SYK: variants seen among roughly 807,000 people sequenced by gnomAD.
SYK encodes tyrosine-protein kinase SYK.
In SYK, 16 loss-of-function variants were observed where a neutral mutation model predicts 77.8. That is an observed-to-expected ratio of 0.21 (90% CI 0.14 to 0.31). SYK has a LOEUF of 0.31. Ranked by LOEUF, SYK falls within the 10% of genes least tolerant of loss-of-function variation. The pLI, the probability that SYK is intolerant of heterozygous loss-of-function variation, is 1.00. For synonymous variants in SYK, 312 were observed against 308.7 expected, an observed-to-expected ratio of 1.01 and a Z score of -0.11; for missense variants, 529 against 814.4, an observed-to-expected ratio of 0.65 and a Z score of 4.26.
intron 9 of SYK, among the ~76,000 whole-genome samples, chr9:90,875,993 G>C (rs1827910604): frequency 6.6e-6 from 1 of 152,098 alleles, no homozygotes; most frequent in Non-Finnish European, 1.5e-5. Context: ...ACACAGACAT[G>C]CGTGCTTTCC....
intron 9 of SYK, 47 bp from the exon 10 acceptor site, chr9:90,877,524 G>T (rs776306656): frequency 8.8e-6 from 14 of 1,598,402 alleles, no homozygotes; most frequent in African/African-American, 1.3e-5. Flanking sequence ...TTATCTAGAA[G>T]TGAGGCATTT....
chr9:90,850,399 C>T (rs1826773686), intron 3 of SYK, among the ~76,000 whole-genome samples: 1 of 152,090 alleles, frequency 6.6e-6, no homozygotes, highest in Non-Finnish European at 1.5e-5. Context: ...GCCTGTAGTC[C>T]CAGCTACTTG....
At chr9:90,883,197 C>T (rs889694955) in intron 11 of SYK, among the ~76,000 whole-genome samples, 1 of 152,084 alleles carries the variant, frequency 6.6e-6, no homozygotes, top group Non-Finnish European at 1.5e-5. Context: ...ACAGATCCCC[C>T]TGCTGCTACA....
chr9:90,862,563 G>A (rs1827318413), intron 4 of SYK, among the ~76,000 whole-genome samples: 8 of 152,172 alleles, frequency 5.3e-5, no homozygotes, highest in Admixed American at 5.2e-4. Flanking sequence ...GCCTCCAGGT[G>A]GCTTCTGTGT....
At chr9:90,831,763 T>C (rs886732733) in intron 1 of SYK, among the ~76,000 whole-genome samples, 3 of 152,250 alleles carry the variant, frequency 2.0e-5, no homozygotes, top group African/African-American at 7.2e-5. Context: ...AAGGTGACAC[T>C]CTGCTTTCTT....
chr9:90,836,354 T>C (rs1298889722), intron 1 of SYK, among the ~76,000 whole-genome samples: 1 of 152,166 alleles, frequency 6.6e-6, no homozygotes, highest in Non-Finnish European at 1.5e-5. Flanking sequence ...ATGTAGTCTA[T>C]TTTTTCATTT....
At chr9:90,853,904 AAAAG>A (rs1826915869) in intron 3 of SYK, among the ~76,000 whole-genome samples, 2 of 152,116 alleles carry the variant, frequency 1.3e-5, no homozygotes, top group Admixed American at 1.3e-4. Context: ...AAAAAGAAAA[AAAAG>A]AGAGCAGGGC....
chr9:90,886,266 C>T (rs779635609), intron 11 of SYK, among the ~76,000 whole-genome samples: 14 of 152,230 alleles, frequency 9.2e-5, no homozygotes, highest in Non-Finnish European at 1.9e-4. Flanking sequence ...GAGATACCAT[C>T]TTACCCCGGC....
At chr9:90,829,482 A>G (rs1249165876) in intron 1 of SYK, among the ~76,000 whole-genome samples, 2 of 152,200 alleles carry the variant, frequency 1.3e-5, no homozygotes, top group African/African-American at 4.8e-5. Flanking sequence ...GCCAAGAACT[A>G]GAATCTGCAG....
intron 9 of SYK, 106 bp from the exon 10 acceptor site, chr9:90,877,465 A>C: frequency 7.3e-6 from 9 of 1,234,092 alleles, no homozygotes; most frequent in Non-Finnish European, 1.0e-5. Flanking sequence ...TGTGGCAGGT[A>C]TTTCCGTGGG....
intron 1 of SYK, among the ~76,000 whole-genome samples, chr9:90,825,107 G>T (rs1268325225): frequency 7.2e-6 from 1 of 139,478 alleles, no homozygotes; most frequent in African/African-American, 2.7e-5. Context: ...ATGTATAATA[G>T]CACCAAAAAG....
In SYK at chr9:90,878,848, C is replaced by T. The variant is rs1285701874; in HGVS notation, c.1476C>T (p.His492=). Residue 492 remains histidine (H), a synonymous_variant, in exon 11 of 14, where the codon CAC becomes CAT. Coordinates refer to ENST00000375754, the MANE Select transcript of SYK (RefSeq NM_003177.7). ...ACTTGGAGGAGAGCAATTTTGTGCA[C>T]AGAGATCTGGCTGCAAGAAATGTGT... ...MKYLEESNFV[H]RDLAARNVLL... is the part of the protein sequence containing the mutation. 4 of 1,614,022 alleles carry T rather than the reference C, an allele frequency of 2.5e-6. No homozygotes were observed. Among genetic ancestry groups the T allele is most frequent in the Admixed American group, 1.7e-5 (1 of 60,000 alleles).
Position 90,843,961 on chromosome 9 carries a change from C to A in SYK, c.63C>A (p.Thr21=). The stretch of plus-strand genomic sequence containing the variant: ...TGCCCTTCTTTTTCGGCAACATCAC[C>A]CGGGAGGAGGCAGAAGATTACCTGG... ...NHLPFFFGNI[T]REEAEDYLVQ... is the part of the protein sequence containing the mutation. Residue 21 remains threonine, a synonymous_variant, in exon 2 of 14, where the codon ACC becomes ACA. Transcript: ENST00000375754. The A allele has an allele frequency of 6.3e-7, 1 of 1,591,510 alleles. No homozygotes were observed. Among genetic ancestry groups the A allele is most frequent in the Non-Finnish European group, 8.6e-7 (1 of 1,168,868 alleles).
At chr9:90,837,551 G>A (rs1305985127) in intron 1 of SYK, among the ~76,000 whole-genome samples, 2 of 152,028 alleles carry the variant, frequency 1.3e-5, no homozygotes, top group South Asian at 2.1e-4. Flanking sequence ...AGTGAGCAAG[G>A]TGAGGTTGCA....
Position 90,878,814 on chromosome 9 carries a change from G to C in SYK, c.1442G>C (p.Gly481Ala). Residue 481 changes from glycine (G) to alanine (A), a missense_variant, in exon 11 of 14, where the codon GGC (glycine) becomes GCC (alanine). Physicochemically the swap from Gly to Ala is moderately conservative, Grantham distance 60 (BLOSUM62 0). Coordinates refer to ENST00000375754, the MANE Select transcript of SYK (RefSeq NM_003177.7). ...IIELVHQVSM[G>A]MKYLEESNFV... The stretch of plus-strand genomic sequence containing the variant: ...GAACTGGTTCATCAGGTTTCCATGG[G>C]CATGAAGTACTTGGAGGAGAGCAAT... 1.2e-6 allele frequency: 2 copies of C among 1,614,040 alleles called. No homozygotes were observed. Among genetic ancestry groups the C allele is most frequent in the Middle Eastern group, 1.6e-4 (1 of 6,062 alleles).
intron 1 of SYK, among the ~76,000 whole-genome samples, chr9:90,805,612 A>G (rs1157542845): frequency 6.6e-6 from 1 of 152,220 alleles, no homozygotes; most frequent in Non-Finnish European, 1.5e-5. Context: ...TTGAATGTTC[A>G]ACATATGACC....
chr9:90,842,830 T>A (rs2118619488), intron 1 of SYK, among the ~76,000 whole-genome samples: 1 of 151,774 alleles, frequency 6.6e-6, no homozygotes, highest in East Asian at 1.9e-4. Flanking sequence ...GCTCCCTGGA[T>A]AAATGGATGG....
rs1826806799 is a variant in SYK at position 90,851,196 on chromosome 9, A to T, written c.578+5602A>T. ...AGCAACCAAATCCATCTCCAGATGGATCCATCTCCACAACCACAGGCCCCT... is the reference window on the plus strand; with the variant it reads ...AGCAACCAAATCCATCTCCAGATGGTTCCATCTCCACAACCACAGGCCCCT... On this transcript the variant is annotated intron_variant, in intron 3 of 13. Transcript: ENST00000375754. Among the ~76,000 whole-genome samples the T allele has an allele frequency of 2.0e-5, 3 of 152,124 alleles. No individual in the cohort carries two copies. The South Asian group carries it at 6.2e-4, about 32-fold the overall frequency.
Position 90,864,620 on chromosome 9 carries a change from G to A in SYK, c.749G>A (p.Gly250Asp). ...GAGCATTATTCTTATAAAGCAGATG[G>A]TTTGTTAAGAGTTCTTACTGTCCCA... ...LVEHYSYKADGLLRVLTVPCQ... is the reference protein window; with the variant it reads ...LVEHYSYKADDLLRVLTVPCQ... The change falls in exon 5 of 14, where the codon GGT becomes GAT. Residue 250 changes from glycine to aspartate, a missense_variant. Transcript: ENST00000375754. 2 of 1,614,082 alleles carry A rather than the reference G, an allele frequency of 1.2e-6. No homozygotes were observed. Among genetic ancestry groups the A allele is most frequent in the Non-Finnish European group, 1.7e-6 (2 of 1,180,004 alleles).
Sources: allele counts gnomAD v4.1 joint callset (sites outside exome capture counted in the v4.1 genomes callset), GRCh38; gene constraint gnomAD v4.1.1; transcripts MANE v1.5; gene names NCBI Gene and HGNC (gene_info 2026-07-23, HGNC 2026-07-21).